The following TM7SF3 variants were observed in gnomAD, a reference collection of about 807,000 sequenced individuals.
TM7SF3 encodes seven span transmembrane protein.
A neutral mutation model predicts 65.5 loss-of-function variants in TM7SF3; 60 were observed. The ratio of observed to expected loss-of-function variants is 0.92; its 90% CI spans 0.74 to 1.14. The LOEUF is 1.14. TM7SF3 is among the 50% of genes most tolerant of loss of function. The pLI is 0.00. For synonymous variants in TM7SF3, 264 were observed against 259.6 expected (o/e 1.02, Z -0.16); for missense variants, 623 against 684.8 (o/e 0.91, Z 1.01).
intron 6 of TM7SF3, among the ~76,000 whole-genome samples, chr12:26,985,853 G>A (rs548055679): frequency 1.3e-4 from 12 of 91,196 alleles, no homozygotes; most frequent in African/African-American, 3.6e-4. Context: ...TCGCTCTGCC[G>A]CCCAGGCTAG....
At chr12:26,985,805 C>CA (rs1491557564) in intron 6 of TM7SF3, among the ~76,000 whole-genome samples, 5 of 72,040 alleles carry the variant, frequency 6.9e-5, no homozygotes, top group African/African-American at 2.5e-4. Context: ...ATTTCTTTTT[C>CA]GTTTTTTTTT....
chr12:26,989,462 C>T (rs939209740), intron 6 of TM7SF3, among the ~76,000 whole-genome samples: 14 of 151,904 alleles, frequency 9.2e-5, no homozygotes, highest in Non-Finnish European at 1.9e-4. Context: ...GAGTTATACA[C>T]AGGTTTTCAA....
chr12:27,000,981 T>C (rs1940808846), intron 2 of TM7SF3, among the ~76,000 whole-genome samples: 1 of 151,826 alleles, frequency 6.6e-6, no homozygotes, highest in Admixed American at 6.6e-5. Flanking sequence ...CTATCAAAGC[T>C]AAGGAAATGG....
At chr12:26,977,458 T>C (rs1401769222) in intron 9 of TM7SF3, among the ~76,000 whole-genome samples, 5 of 152,230 alleles carry the variant, frequency 3.3e-5, no homozygotes, top group Admixed American at 6.5e-5. Flanking sequence ...CTTAAAAATA[T>C]GGGTAGGCCT....
At chr12:27,008,586 T>C (rs939554169) in intron 1 of TM7SF3, among the ~76,000 whole-genome samples, 1 of 152,192 alleles carries the variant, frequency 6.6e-6, no homozygotes, top group African/African-American at 2.4e-5. Context: ...GAAATCTTTG[T>C]CAACATATAC....
chr12:26,996,618 T>TC, intron 4 of TM7SF3, 124 bp downstream of exon 4: 2 of 952,646 alleles, frequency 2.1e-6, no homozygotes, highest in Non-Finnish European at 1.5e-6. Flanking sequence ...TTACATCAAT[T>TC]CCCCCCAAAA....
chr12:27,010,634 A>T (rs967002554), intron 1 of TM7SF3, among the ~76,000 whole-genome samples: 3 of 152,250 alleles, frequency 2.0e-5, no homozygotes, highest in Non-Finnish European at 4.4e-5. Flanking sequence ...AGGCATAATT[A>T]TATCTTATGA....
rs927964596 is a variant in TM7SF3, at chr12:27,004,573, CT to C, written c.92-1184del. On this transcript the variant is annotated intron_variant, in intron 1 of 11. Transcript: ENST00000343028. ...GTCCCAAAAAGGTCAATTTTCAACACTTTTTTTTTTAATACGAAAGCTCCAC... is the reference window on the plus strand; with the variant it reads ...GTCCCAAAAAGGTCAATTTTCAACACTTTTTTTTTAATACGAAAGCTCCAC... Among the ~76,000 whole-genome samples, 24 of 148,386 alleles carry C rather than the reference CT, an allele frequency of 1.6e-4. 1 individual carries two copies. Among genetic ancestry groups the C allele is most frequent in the East Asian group, 3.9e-4 (2 of 5,092 alleles).
At chr12:27,014,049 G>C in intron 1 of TM7SF3, 29 bp downstream of exon 1, 1 of 1,542,498 alleles carries the variant, frequency 6.5e-7, no homozygotes, top group Non-Finnish European at 8.8e-7. Context: ...GCAACTTTGG[G>C]TTGCAGAAGC....
chr12:26,993,581 G>A (rs1449668703), intron 5 of TM7SF3, among the ~76,000 whole-genome samples: 3 of 152,104 alleles, frequency 2.0e-5, no homozygotes, highest in Non-Finnish European at 4.4e-5. Flanking sequence ...GAGACTATAA[G>A]GTCACTCCAT....
chr12:26,997,397 C>T (rs971696051), intron 3 of TM7SF3, among the ~76,000 whole-genome samples: 1 of 151,824 alleles, frequency 6.6e-6, no homozygotes, highest in Non-Finnish European at 1.5e-5. Context: ...AAATTCTATG[C>T]TCTTCTTTCA....
chr12:26,976,409 G>T, intron 9 of TM7SF3, 52 bp from the exon 10 acceptor site: 1 of 1,312,820 alleles, frequency 7.6e-7, no homozygotes. Context: ...CCAAGTTAGA[G>T]TTGGTTTCTT....
chr12:27,010,581 C>A (rs1177483744), intron 1 of TM7SF3, among the ~76,000 whole-genome samples: 1 of 152,208 alleles, frequency 6.6e-6, no homozygotes, highest in Non-Finnish European at 1.5e-5. Context: ...TTTAACTTCA[C>A]CTCTAAGGCA....
chr12:27,012,721 C>A (rs1439174569), intron 1 of TM7SF3: 1 of 455,894 alleles, frequency 2.2e-6, no homozygotes, highest in Non-Finnish European at 4.4e-6. Context: ...TGAAATCGGC[C>A]GGGCGCGGTG....
In TM7SF3 at chr12:26,972,695, C is replaced by G. The variant is rs979348649; in HGVS notation, c.*1270G>C. The G allele has an allele frequency of 6.6e-6, 1 of 152,016 alleles. No homozygotes were observed. The highest frequency in any genetic ancestry group is 1.5e-5 in the Non-Finnish European group (1 of 68,030). 9.4% of individuals were successfully genotyped at this position (152,016 alleles called of 1,614,324 possible). On this transcript the variant is annotated 3_prime_UTR_variant, in exon 12 of 12. Coordinates refer to ENST00000343028, the MANE Select transcript of TM7SF3 (RefSeq NM_016551.3). Reference sequence around the variant, plus strand: ...GAACTCCTGACCCCAGGTGATCCACCCGCCTCGACCTCCCAAAATGCTGGG... The same window carrying G: ...GAACTCCTGACCCCAGGTGATCCACGCGCCTCGACCTCCCAAAATGCTGGG...
Position 26,998,457 on chromosome 12 carries a change from G to A in TM7SF3, c.397+1069C>T, listed in dbSNP as rs113473132. Among the ~76,000 whole-genome samples the A allele has an allele frequency of 8.3e-3, 1,268 of 152,174 alleles. 15 individuals carry two copies. The highest frequency in any genetic ancestry group is 0.029 in the African/African-American group (1,218 of 41,514). ...AGCATCTCAGACTGTGTCCCAAACT[G>A]AAGTCATCACCTACTCCGTCCCACC... On this transcript the variant is annotated intron_variant, in intron 3 of 11. Coordinates refer to ENST00000343028, the MANE Select transcript of TM7SF3 (RefSeq NM_016551.3).
At chr12:27,012,628 G>A (rs1941287586) in intron 1 of TM7SF3, 3 of 455,880 alleles carry the variant, frequency 6.6e-6, no homozygotes, top group African/African-American at 2.0e-5. Flanking sequence ...ACCATGAGCT[G>A]TTGCCCAAAC....
intron 1 of TM7SF3, among the ~76,000 whole-genome samples, chr12:27,007,343 C>T (rs1326569511): frequency 6.6e-6 from 1 of 152,120 alleles, no homozygotes; most frequent in Admixed American, 6.5e-5. Context: ...AACCTGGTCA[C>T]TTGACAAAAT....
chr12:26,983,381 T>C, intron 6 of TM7SF3: 1 of 346,424 alleles, frequency 2.9e-6, no homozygotes. Context: ...AAGCAAACTC[T>C]GGCTGTTAAT....
Sources: gnomAD v4.1 joint callset for allele counts (sites outside exome capture counted in the v4.1 genomes callset) on GRCh38, gnomAD v4.1.1 for gene constraint, MANE v1.5 for transcripts, NCBI Gene and HGNC (gene_info 2026-07-23, HGNC 2026-07-21) for gene names.